The following FBXL17 variants were observed in gnomAD, a reference collection of about 807,000 sequenced individuals.
FBXL17 encodes the protein F-box and leucine rich repeat protein 17, also known as F-box/LRR-repeat protein 17.
A neutral mutation model predicts 66.2 loss-of-function variants in FBXL17; 22 were observed. The ratio of observed to expected loss-of-function variants is 0.33; its 90% CI spans 0.24 to 0.47. FBXL17 has a LOEUF of 0.47. FBXL17 is among the 20% of genes least tolerant of loss of function. The pLI is 1.00. For missense variants in FBXL17, 878 were observed against 948.2 expected, an observed-to-expected ratio of 0.93 and a Z score of 0.97; for synonymous variants, 474 against 400.5, an observed-to-expected ratio of 1.18 and a Z score of -2.19.
At chr5:108,035,223 C>T (rs753930018) in intron 6 of FBXL17, among the ~76,000 whole-genome samples, 1 of 152,100 alleles carries the variant, frequency 6.6e-6, no homozygotes, top group Non-Finnish European at 1.5e-5. Context: ...AGAATAAATG[C>T]ATACTTATTG....
At chr5:108,262,724 C>T (rs1366234540) in intron 4 of FBXL17, among the ~76,000 whole-genome samples, 2 of 124,716 alleles carry the variant, frequency 1.6e-5, no homozygotes, top group Non-Finnish European at 3.3e-5. Flanking sequence ...AAACAAGCAA[C>T]AACAACAAAA....
chr5:108,088,113 C>T (rs2149926598), intron 6 of FBXL17, among the ~76,000 whole-genome samples: 1 of 152,160 alleles, frequency 6.6e-6, no homozygotes, highest in East Asian at 1.9e-4. Context: ...TTAAGTGATT[C>T]CATTTTTAAT....
chr5:107,937,282 G>A (rs535437526), intron 7 of FBXL17, among the ~76,000 whole-genome samples: 4 of 152,228 alleles, frequency 2.6e-5, no homozygotes, highest in African/African-American at 9.6e-5. Context: ...AAGCAGGGAT[G>A]CAAATCAGCC....
chr5:108,369,625 A>G (rs909127364), intron 1 of FBXL17, among the ~76,000 whole-genome samples: 1 of 151,422 alleles, frequency 6.6e-6, no homozygotes, highest in African/African-American at 2.4e-5. Context: ...TAAAAATAAA[A>G]TTATTCCAAA....
intron 6 of FBXL17, among the ~76,000 whole-genome samples, chr5:108,039,712 G>A (rs1746975549): frequency 6.6e-6 from 1 of 151,838 alleles, no homozygotes; most frequent in Non-Finnish European, 1.5e-5. Flanking sequence ...TACTCTTGGG[G>A]GACAACAGCA....
At chr5:108,203,883 C>T (rs1464696439) in intron 5 of FBXL17, among the ~76,000 whole-genome samples, 2 of 152,086 alleles carry the variant, frequency 1.3e-5, no homozygotes, top group East Asian at 1.9e-4. Flanking sequence ...TATGTTAAAT[C>T]AACTGAAAAA....
chr5:108,328,069 A>C (rs1759940664), intron 4 of FBXL17, among the ~76,000 whole-genome samples: 1 of 152,158 alleles, frequency 6.6e-6, no homozygotes, highest in African/African-American at 2.4e-5. Flanking sequence ...TGACACAAAA[A>C]CTATCTTCCC....
intron 4 of FBXL17, among the ~76,000 whole-genome samples, chr5:108,297,354 G>C (rs988947131): frequency 9.9e-5 from 15 of 151,606 alleles, no homozygotes; most frequent in African/African-American, 3.6e-4. Context: ...GTAATATATA[G>C]AACCTCAGTA....
In FBXL17 at chr5:107,945,594, A is replaced by G. The variant is rs185995468; in HGVS notation, c.1823-64415T>C. On this transcript the variant is annotated intron_variant, in intron 7 of 8. Transcript: ENST00000542267. ...TAAATCTCAAAAGCATAATGCCAAG[A>G]AACAAACAAACAAAAAAAGCAAGAT... Among the ~76,000 whole-genome samples, 406 of 152,290 alleles carry G rather than the reference A, an allele frequency of 2.7e-3. 1 individual carries two copies. Among genetic ancestry groups the G allele is most frequent in the Middle Eastern group, 6.8e-3 (2 of 294 alleles).
intron 7 of FBXL17, among the ~76,000 whole-genome samples, chr5:107,968,693 T>C (rs899482958): frequency 6.6e-6 from 1 of 152,092 alleles, no homozygotes; most frequent in African/African-American, 2.4e-5. Context: ...CAAAAATAAA[T>C]AAAAATTGCC....
At chr5:108,311,165 T>A (rs192381369) in intron 4 of FBXL17, among the ~76,000 whole-genome samples, 1 of 149,842 alleles carries the variant, frequency 6.7e-6, no homozygotes, top group African/African-American at 2.5e-5. Flanking sequence ...TACCTTTTTT[T>A]ATTTTTATTT....
At chr5:108,334,425 C>T (rs147432764) in intron 4 of FBXL17, among the ~76,000 whole-genome samples, 227 of 152,294 alleles carry the variant, frequency 1.5e-3, no homozygotes, top group African/African-American at 5.3e-3. Context: ...ATAGACCCTA[C>T]CTCACATCTG....
chr5:108,151,811 C>T (rs571830126), intron 6 of FBXL17, among the ~76,000 whole-genome samples: 12 of 152,146 alleles, frequency 7.9e-5, no homozygotes, highest in African/African-American at 1.9e-4. Context: ...ATGATCGACA[C>T]GCATTAATGG....
At chr5:108,225,789 C>G (rs1474734941) in intron 4 of FBXL17, among the ~76,000 whole-genome samples, 1 of 152,164 alleles carries the variant, frequency 6.6e-6, no homozygotes, top group African/African-American at 2.4e-5. Flanking sequence ...GGTTTTGTCC[C>G]TCTCATTCAT....
rs1412593016 is a variant in FBXL17 at position 108,041,072 on chromosome 5, G to A, written c.1746-20071C>T. Among the ~76,000 whole-genome samples the A allele has an allele frequency of 9.9e-5, 15 of 152,038 alleles. No homozygotes were observed. The East Asian group carries it at 2.9e-3, about 29-fold the overall frequency. On this transcript the variant is annotated intron_variant, in intron 6 of 8. Coordinates refer to ENST00000542267, the MANE Select transcript of FBXL17 (RefSeq NM_001163315.3). ...ACAACATGGAGATAATGACTTCATG[G>A]GATTGTTGGGAATATTAAATGATGT...
At chr5:107,943,006 T>C (rs1179679413) in intron 7 of FBXL17, among the ~76,000 whole-genome samples, 2 of 152,196 alleles carry the variant, frequency 1.3e-5, no homozygotes, top group African/African-American at 2.4e-5. Context: ...GCTGGCATAG[T>C]TGTTCATCCC....
At chr5:108,374,562 G>C (rs191548858) in intron 1 of FBXL17, among the ~76,000 whole-genome samples, 2 of 152,188 alleles carry the variant, frequency 1.3e-5, no homozygotes, top group Admixed American at 1.3e-4. Flanking sequence ...TTTAATCCAA[G>C]GTACTAGAGA....
At chr5:107,959,062 T>A (rs748453549) in intron 7 of FBXL17, among the ~76,000 whole-genome samples, 11 of 152,130 alleles carry the variant, frequency 7.2e-5, no homozygotes, top group Non-Finnish European at 1.6e-4. Flanking sequence ...CCTTGGTGCT[T>A]ACATCAGAGG....
chr5:108,167,493 G>GAACAAA (rs1752455711), intron 6 of FBXL17, among the ~76,000 whole-genome samples: 1 of 152,058 alleles, frequency 6.6e-6, no homozygotes. Flanking sequence ...TAAAATTTTG[G>GAACAAA]AACAAAAACA....
Sources: allele counts gnomAD v4.1 joint callset (sites outside exome capture counted in the v4.1 genomes callset), GRCh38; gene constraint gnomAD v4.1.1; transcripts MANE v1.5; gene names NCBI Gene and HGNC (gene_info 2026-07-23, HGNC 2026-07-21).